The following MYO9A variants were observed in gnomAD, a reference collection of about 807,000 sequenced individuals.
The protein encoded by MYO9A is myosin IXA.
Under a neutral mutation model 293.3 loss-of-function variants are expected in MYO9A, and 103 were observed. The observed-to-expected ratio is 0.35, with a 90% CI of 0.30 to 0.41. MYO9A has a LOEUF of 0.41. Ranked by LOEUF, MYO9A falls within the 10% of genes least tolerant of loss-of-function variation. The pLI is 1.00. For synonymous variants in MYO9A, 1,001 were observed against 1,035.7 expected (o/e 0.97, Z 0.64); for missense variants, 2,685 against 3,033.0 (o/e 0.89, Z 2.69).
chr15:71,827,072 A>C (rs2054535482), intron 41 of MYO9A, 29 bp from the exon 42 acceptor site: 1 of 1,478,602 alleles, frequency 6.8e-7, no homozygotes. Context: ...CAAAGATGTA[A>C]ATGACAGTGC....
intron 11 of MYO9A, among the ~76,000 whole-genome samples, chr15:71,980,047 CTT>C (rs995478470): frequency 2.6e-5 from 4 of 152,058 alleles, no homozygotes; most frequent in Non-Finnish European, 5.9e-5. Flanking sequence ...CAGGATCTCT[CTT>C]TGTTGCCCAG....
chr15:72,108,762 A>ATTTTTTTTTTTT lies in MYO9A; in HGVS notation c.-72+8906_-72+8917dup, dbSNP rs3028363. ...GCAGTAAACTTGTCATGACACATAC[A>ATTTTTTTTTTTT]TTTTTTTTTTTTTTTTTGAGACAGA... On this transcript the variant is annotated intron_variant, in intron 1 of 41. Coordinates refer to ENST00000356056, the MANE Select transcript of MYO9A (RefSeq NM_006901.4). 4.3e-5 allele frequency among the ~76,000 whole-genome samples: 6 copies of ATTTTTTTTTTTT among 139,242 alleles called. 2 individuals carry two copies. Among genetic ancestry groups the ATTTTTTTTTTTT allele is most frequent in the Non-Finnish European group, 7.7e-5 (5 of 65,294 alleles). The allele number at this position is 139,242 out of a possible 152,430, so 91.3% of individuals were successfully genotyped here.
At chr15:72,047,417 T>G (rs2078418245) in intron 1 of MYO9A, among the ~76,000 whole-genome samples, 3 of 152,250 alleles carry the variant, frequency 2.0e-5, no homozygotes, top group Admixed American at 2.0e-4. Flanking sequence ...ATTCTGCATT[T>G]TCTTCCCATC....
rs147235706 is a variant in MYO9A at position 71,984,986 on chromosome 15, C to T, written c.1722+6117G>A. Among the ~76,000 whole-genome samples the T allele has an allele frequency of 1.7e-3, 262 of 152,294 alleles. 1 individual carries two copies. The highest frequency in any genetic ancestry group is 3.0e-3 in the Non-Finnish European group (204 of 68,016). On this transcript the variant is annotated intron_variant, in intron 11 of 41. Transcript: ENST00000356056. ...TCAGGCTGCAGTGCAGTGGTACAAA[C>T]TCAGCTCACTGCAACCTCCGCCTCC...
At chr15:71,922,259 G>A (rs748206187) in intron 18 of MYO9A, among the ~76,000 whole-genome samples, 10 of 152,204 alleles carry the variant, frequency 6.6e-5, no homozygotes, top group African/African-American at 7.2e-5. Context: ...GATTACAGGC[G>A]TGAGCCACCG....
At chr15:72,085,470 C>A (rs972889573) in intron 1 of MYO9A, among the ~76,000 whole-genome samples, 2 of 151,230 alleles carry the variant, frequency 1.3e-5, no homozygotes, top group Non-Finnish European at 2.9e-5. Context: ...TCAGCTCATT[C>A]GGGTTGGTTA....
chr15:71,931,461 T>C (rs887714466), intron 18 of MYO9A, among the ~76,000 whole-genome samples: 2 of 152,214 alleles, frequency 1.3e-5, no homozygotes, highest in African/African-American at 2.4e-5. Flanking sequence ...AATCTGATGA[T>C]AGTCTTGTGG....
chr15:71,990,042 C>T (rs1567353478), intron 11 of MYO9A, among the ~76,000 whole-genome samples: 2 of 151,668 alleles, frequency 1.3e-5, no homozygotes, highest in South Asian at 4.2e-4. Flanking sequence ...AAAACACACT[C>T]CCCTGCAAAA....
intron 8 of MYO9A, among the ~76,000 whole-genome samples, chr15:72,002,226 C>A (rs1055387749): frequency 2.0e-5 from 3 of 151,376 alleles, no homozygotes; most frequent in African/African-American, 7.3e-5. Context: ...GCTACAGGCA[C>A]ATGCCACCAT....
At chr15:71,934,544 G>T (rs28570214) in intron 17 of MYO9A, among the ~76,000 whole-genome samples, 1 of 151,616 alleles carries the variant, frequency 6.6e-6, no homozygotes, top group African/African-American at 2.4e-5. Context: ...GCGGTCAAAC[G>T]ATATGCTTGG....
At chr15:71,910,087 C>CGT (rs1309178122) in intron 19 of MYO9A, among the ~76,000 whole-genome samples, 259 of 143,572 alleles carry the variant, frequency 1.8e-3, no homozygotes, top group Non-Finnish European at 2.8e-3. Flanking sequence ...TATATATACA[C>CGT]GTATATATAT....
rs374545046 is a variant in MYO9A at position 72,089,704 on chromosome 15, C to A, written c.-72+27976G>T. On this transcript the variant is annotated intron_variant, in intron 1 of 41. Coordinates refer to ENST00000356056, the MANE Select transcript of MYO9A (RefSeq NM_006901.4). ...GCTGAGGTGAGAGGAAAGCTCGAGC[C>A]CCAAAAGTAAAGGCTACAGTGAGCC... Among the ~76,000 whole-genome samples the A allele has an allele frequency of 9.9e-5, 15 of 152,160 alleles. No individual in the cohort carries two copies. The East Asian group carries it at 2.3e-3, about 24-fold the overall frequency.
chr15:72,086,130 GCA>G (rs1007658060), intron 1 of MYO9A, among the ~76,000 whole-genome samples: 1 of 152,196 alleles, frequency 6.6e-6, no homozygotes, highest in Non-Finnish European at 1.5e-5. Context: ...GCCAGTGGCA[GCA>G]CAGAGGGGTG....
intron 13 of MYO9A, among the ~76,000 whole-genome samples, chr15:71,962,488 G>A (rs1350735499): frequency 6.6e-6 from 1 of 152,074 alleles, no homozygotes; most frequent in Non-Finnish European, 1.5e-5. Context: ...TAGAGCAAAC[G>A]TATGTATTAT....
intron 1 of MYO9A, among the ~76,000 whole-genome samples, chr15:72,086,408 A>T (rs998177304): frequency 1.5e-4 from 22 of 151,100 alleles, no homozygotes; most frequent in Middle Eastern, 3.4e-3. Context: ...CTCCAGCAGC[A>T]ATGTTGGCAA....
intron 27 of MYO9A, among the ~76,000 whole-genome samples, chr15:71,886,082 T>G (rs1040270998): frequency 1.3e-5 from 2 of 151,954 alleles, no homozygotes; most frequent in African/African-American, 2.4e-5. Flanking sequence ...ATTCCCTGTA[T>G]AGTTTATTTC....
intron 21 of MYO9A, 34 bp from the exon 22 acceptor site, chr15:71,903,097 AAAAC>A (rs765630417): frequency 6.5e-7 from 1 of 1,537,254 alleles, no homozygotes; most frequent in South Asian, 1.2e-5. Flanking sequence ...GTAAAATCAG[AAAAC>A]AGTGTATGTA....
Position 71,837,635 on chromosome 15 carries a change from A to G in MYO9A, c.6838-7324T>C, listed in dbSNP as rs542184239. Among the ~76,000 whole-genome samples, 27 of 152,222 alleles carry G rather than the reference A, an allele frequency of 1.8e-4. 1 individual carries two copies. Among genetic ancestry groups the G allele is most frequent in the Admixed American group, 1.0e-3 (16 of 15,304 alleles). ...AGCTGCAAATCTTTTAATATGGCTA[A>G]AGAAAATCAAACAAGCTCAACAGAT... On this transcript the variant is annotated intron_variant, in intron 39 of 41. Coordinates refer to ENST00000356056, the MANE Select transcript of MYO9A (RefSeq NM_006901.4).
chr15:72,043,910 A>T (rs2078301630), intron 2 of MYO9A, among the ~76,000 whole-genome samples: 1 of 149,808 alleles, frequency 6.7e-6, no homozygotes. Context: ...TTCAGGTCTA[A>T]AACAAACACT....
Sources: allele counts gnomAD v4.1 joint callset (sites outside exome capture counted in the v4.1 genomes callset), GRCh38; gene constraint gnomAD v4.1.1; transcripts MANE v1.5; gene names NCBI Gene and HGNC (gene_info 2026-07-23, HGNC 2026-07-21).